CDYL: variants seen among roughly 807,000 people sequenced by gnomAD.
CDYL encodes the protein chromodomain Y like.
CDYL carries 8 observed loss-of-function variants against 47.3 expected under a neutral mutation model. The ratio of observed to expected loss-of-function variants is 0.17; its 90% CI spans 0.10 to 0.31. The LOEUF is 0.31. Ranked by LOEUF, CDYL falls within the 10% of genes least tolerant of loss-of-function variation. The pLI, the probability that CDYL is intolerant of heterozygous loss-of-function variation, is 1.00. For synonymous variants in CDYL, 266 were observed against 265.0 expected (o/e 1.00, Z -0.04); for missense variants, 471 against 701.4 (o/e 0.67, Z 3.71).
At chr6:4,713,592 T>C (rs548157794) in intron 1 of CDYL, among the ~76,000 whole-genome samples, 4,194 of 150,744 alleles carry the variant, frequency 0.028, 73 homozygotes, top group Middle Eastern at 0.052. Context: ...TTAGATTCTT[T>C]TTTTTTTTTT....
At chr6:4,942,556 C>G (rs73352340) in intron 4 of CDYL, among the ~76,000 whole-genome samples, 2,036 of 152,312 alleles carry the variant, frequency 0.013, 47 homozygotes, top group African/African-American at 0.047. Flanking sequence ...TAGAACTCAG[C>G]CTGCACTGAA....
At chr6:4,786,270 A>G (rs1017229586) in intron 1 of CDYL, among the ~76,000 whole-genome samples, 2 of 152,174 alleles carry the variant, frequency 1.3e-5, no homozygotes, top group African/African-American at 2.4e-5. Context: ...TTGGGATTCA[A>G]TATGAAATAT....
intron 2 of CDYL, among the ~76,000 whole-genome samples, chr6:4,719,650 G>A (rs906162826): frequency 6.6e-6 from 1 of 152,172 alleles, no homozygotes; most frequent in African/African-American, 2.4e-5. Context: ...ACAGGAGAAC[G>A]ATGATGGGGG....
At chr6:4,909,067 C>T (rs1044223947) in intron 2 of CDYL, among the ~76,000 whole-genome samples, 1 of 152,162 alleles carries the variant, frequency 6.6e-6, no homozygotes, top group Non-Finnish European at 1.5e-5. Flanking sequence ...TTGGGGGGCC[C>T]CAGGTCATAA....
intron 5 of CDYL, among the ~76,000 whole-genome samples, chr6:4,947,566 C>G (rs1758561902): frequency 6.6e-6 from 1 of 152,172 alleles, no homozygotes; most frequent in Admixed American, 6.5e-5. Context: ...CTGCCTGTGC[C>G]AGGTACTGTG....
chr6:4,899,981 G>A (rs1756971721), intron 2 of CDYL, among the ~76,000 whole-genome samples: 1 of 152,152 alleles, frequency 6.6e-6, no homozygotes, highest in South Asian at 2.1e-4. Context: ...GTTTATTGAT[G>A]TCACAGCTCC....
intron 1 of CDYL, among the ~76,000 whole-genome samples, chr6:4,816,393 T>A (rs1759677610): frequency 6.6e-6 from 1 of 152,074 alleles, no homozygotes; most frequent in East Asian, 1.9e-4. Flanking sequence ...AAACTACTAC[T>A]ACGAAGATTT....
chr6:4,842,149 ATATATTATAAATATAT>A (rs1176992454), intron 1 of CDYL, among the ~76,000 whole-genome samples: 1 of 144,128 alleles, frequency 6.9e-6, no homozygotes, highest in Non-Finnish European at 1.5e-5. Flanking sequence ...TATATTACTT[ATATATTATAAATATAT>A]TATATTATAT....
intron 2 of CDYL, among the ~76,000 whole-genome samples, chr6:4,907,667 C>G (rs1189220418): frequency 6.6e-6 from 1 of 152,190 alleles, no homozygotes; most frequent in African/African-American, 2.4e-5. Flanking sequence ...GCCACCATGT[C>G]CAGCCTCTAA....
At chr6:4,780,604 C>T (rs982806024) in intron 1 of CDYL, among the ~76,000 whole-genome samples, 1 of 152,044 alleles carries the variant, frequency 6.6e-6, no homozygotes, top group Admixed American at 6.5e-5. Flanking sequence ...AGTAACTCAT[C>T]TTGTACTTGT....
intron 1 of CDYL, among the ~76,000 whole-genome samples, 186 bp downstream of exon 1, chr6:4,776,993 C>G (rs1758477620): frequency 7.7e-6 from 1 of 130,352 alleles, no homozygotes. Context: ...GGGCCCCGGC[C>G]GGGGGGTCCT....
intron 3 of CDYL, among the ~76,000 whole-genome samples, chr6:4,735,421 C>G (rs1441981297): frequency 6.6e-6 from 1 of 152,026 alleles, no homozygotes; most frequent in Non-Finnish European, 1.5e-5. Context: ...AATAATGCTT[C>G]TTTTTAAAAA....
intron 1 of CDYL, among the ~76,000 whole-genome samples, chr6:4,847,022 T>C (rs1460505967): frequency 6.6e-6 from 1 of 152,242 alleles, no homozygotes; most frequent in Non-Finnish European, 1.5e-5. Context: ...TTCTGCACAC[T>C]ACGTTTACAC....
intron 1 of CDYL, among the ~76,000 whole-genome samples, chr6:4,819,880 T>A (rs1207180865): frequency 1.3e-5 from 2 of 152,190 alleles, no homozygotes; most frequent in African/African-American, 2.4e-5. Flanking sequence ...AAGAGTTACC[T>A]GGCCCCAGAT....
At chr6:4,835,481 A>T (rs1760272603) in intron 1 of CDYL, among the ~76,000 whole-genome samples, 1 of 152,186 alleles carries the variant, frequency 6.6e-6, no homozygotes. Context: ...GTCCGCCCCT[A>T]CTGGGGAGTG....
intron 2 of CDYL, among the ~76,000 whole-genome samples, chr6:4,901,391 T>G (rs576935121): frequency 6.6e-6 from 1 of 152,182 alleles, no homozygotes; most frequent in Admixed American, 6.5e-5. Flanking sequence ...TTCTGGAATA[T>G]TCCTCCAGTG....
Position 4,937,737 on chromosome 6 carries a change from G to C in CDYL, c.1121G>C (p.Arg374Thr). The C allele has an allele frequency of 6.2e-7, 1 of 1,600,242 alleles. No individual in the cohort carries two copies. Among genetic ancestry groups the C allele is most frequent in the Non-Finnish European group, 8.5e-7 (1 of 1,175,982 alleles). Residue 374 changes from arginine to threonine, a missense_variant and splice_region_variant, in exon 4 of 7, where the codon AGA becomes ACA. By Grantham distance (71) the Arg-to-Thr change is moderately conservative (BLOSUM62 -1). This residue lies in a region of CDYL where 103 missense variants were observed against 277.1 expected (regional missense o/e 0.37). Coordinates refer to ENST00000397588, the MANE Select transcript of CDYL (RefSeq NM_004824.4). The part of the protein sequence containing the change: ...RESTKMAEAI[R>T]NFVNTFIQFK... The stretch of plus-strand genomic sequence containing the variant: ...AGCACTAAAATGGCAGAAGCTATCA[G>C]GTATGTAAAAATGATGTTTTTTAAA...
chr6:4,873,364 A>G (rs569134072), intron 1 of CDYL, among the ~76,000 whole-genome samples: 1 of 152,306 alleles, frequency 6.6e-6, no homozygotes, highest in African/African-American at 2.4e-5. Flanking sequence ...CTTTTAGCAA[A>G]AGGGGTATAT....
intron 3 of CDYL, among the ~76,000 whole-genome samples, chr6:4,758,876 T>C (rs1376006382): frequency 1.3e-5 from 2 of 151,940 alleles, no homozygotes; most frequent in Non-Finnish European, 2.9e-5. Context: ...ATGTAATATA[T>C]TTACATATTT....
Sources: gnomAD v4.1 joint callset for allele counts (sites outside exome capture counted in the v4.1 genomes callset) on GRCh38, gnomAD v4.1.1 for gene constraint, gnomAD v4.1.1 regional missense constraint, MANE v1.5 for transcripts, NCBI Gene and HGNC (gene_info 2026-07-23, HGNC 2026-07-21) for gene names.